Variants in ADAMTS19 observed in about 807,000 individuals in gnomAD.
ADAMTS19 encodes the protein ADAM metallopeptidase with thrombospondin type 1 motif 19.
A neutral mutation model predicts 153.3 loss-of-function variants in ADAMTS19; 93 were observed. That is an observed-to-expected ratio of 0.61 (90% CI 0.51 to 0.72). The LOEUF (loss-of-function observed/expected upper bound fraction) is 0.72, where lower values mean the gene tolerates loss of function less well. Ranked by LOEUF, ADAMTS19 falls within the 30% of genes least tolerant of loss-of-function variation. The pLI is 0.00. For missense variants in ADAMTS19, 1,482 were observed against 1,552.1 expected, an observed-to-expected ratio of 0.95 and a Z score of 0.76; for synonymous variants, 600 against 556.6, an observed-to-expected ratio of 1.08 and a Z score of -1.10.
intron 10 of ADAMTS19, among the ~76,000 whole-genome samples, chr5:129,625,625 T>G (rs1250653263): frequency 2.0e-5 from 3 of 152,306 alleles, no homozygotes; most frequent in Non-Finnish European, 4.4e-5. Flanking sequence ...GTGTCTGCTG[T>G]CTGCATAAAT....
intron 18 of ADAMTS19, among the ~76,000 whole-genome samples, chr5:129,692,102 T>C (rs1755364863): frequency 6.6e-6 from 1 of 152,226 alleles, no homozygotes; most frequent in Non-Finnish European, 1.5e-5. Context: ...CTAACATTTA[T>C]ACTTCATAAA....
At chr5:129,715,900 G>A (rs1756703004) in intron 21 of ADAMTS19, among the ~76,000 whole-genome samples, 1 of 152,106 alleles carries the variant, frequency 6.6e-6, no homozygotes, top group Non-Finnish European at 1.5e-5. Flanking sequence ...TGTGTACCTG[G>A]GGAGAGAGTG....
At chr5:129,616,692 A>C (rs982712301) in intron 8 of ADAMTS19, among the ~76,000 whole-genome samples, 12 of 152,202 alleles carry the variant, frequency 7.9e-5, no homozygotes, top group Admixed American at 6.6e-4. Context: ...GCTCTTTGTC[A>C]AAATGAATTT....
At chr5:129,578,672 T>A (rs756881096) in intron 7 of ADAMTS19, among the ~76,000 whole-genome samples, 9 of 151,496 alleles carry the variant, frequency 5.9e-5, no homozygotes, top group Non-Finnish European at 1.2e-4. Context: ...CAATGCCCAC[T>A]TGAGTGAGAA....
At chr5:129,537,160 C>A (rs13157431) in intron 6 of ADAMTS19, among the ~76,000 whole-genome samples, 8 of 151,966 alleles carry the variant, frequency 5.3e-5, no homozygotes, top group Admixed American at 3.9e-4. Context: ...ATGCAGCCAA[C>A]AGACACATGA....
At position 129,683,375 on chromosome 5, in the gene ADAMTS19, C is replaced by T. The variant is rs550382015; in HGVS notation, c.2665-745C>T. 2.9e-3 allele frequency among the ~76,000 whole-genome samples: 447 copies of T among 151,658 alleles called. 3 individuals carry two copies. The highest frequency in any genetic ancestry group is 8.6e-3 in the Admixed American group (131 of 15,230). On this transcript the variant is annotated intron_variant, in intron 17 of 22. Coordinates refer to ENST00000274487, the MANE Select transcript of ADAMTS19 (RefSeq NM_133638.6). ...TCCAACGTGTAGCCCCATATTCAGTCGTTTTCATGTATTTTTATGGTTTAT... is the reference window on the plus strand; with the variant it reads ...TCCAACGTGTAGCCCCATATTCAGTTGTTTTCATGTATTTTTATGGTTTAT...
intron 15 of ADAMTS19, among the ~76,000 whole-genome samples, chr5:129,659,147 GT>G (rs1312279143): frequency 1.3e-5 from 2 of 152,106 alleles, no homozygotes; most frequent in Admixed American, 1.3e-4. Flanking sequence ...TTTTCTTAAT[GT>G]TTTTGCTACA....
At chr5:129,728,599 T>C (rs1757308300) in intron 21 of ADAMTS19, among the ~76,000 whole-genome samples, 1 of 152,128 alleles carries the variant, frequency 6.6e-6, no homozygotes, top group African/African-American at 2.4e-5. Flanking sequence ...ACTATTGGTT[T>C]CCTTTGATCA....
At chr5:129,627,548 C>T (rs1159817155) in intron 10 of ADAMTS19, among the ~76,000 whole-genome samples, 1 of 151,186 alleles carries the variant, frequency 6.6e-6, no homozygotes, top group Non-Finnish European at 1.5e-5. Flanking sequence ...GCAAAAGAAA[C>T]CATCAATAGA....
intron 10 of ADAMTS19, among the ~76,000 whole-genome samples, chr5:129,631,858 T>C (rs1327514908): frequency 1.3e-5 from 2 of 152,060 alleles, no homozygotes; most frequent in Non-Finnish European, 2.9e-5. Flanking sequence ...AAACAATGTG[T>C]TTGAATTTAG....
At chr5:129,671,536 A>G (rs756983232) in intron 16 of ADAMTS19, among the ~76,000 whole-genome samples, 1 of 152,212 alleles carries the variant, frequency 6.6e-6, no homozygotes, top group African/African-American at 2.4e-5. Context: ...AGCTTTAGCA[A>G]AAAGAAAAGA....
intron 2 of ADAMTS19, among the ~76,000 whole-genome samples, chr5:129,488,907 G>A (rs1356370930): frequency 6.6e-6 from 1 of 151,988 alleles, no homozygotes; most frequent in Non-Finnish European, 1.5e-5. Context: ...CTTAGCATAC[G>A]TTGGGATGCT....
At chr5:129,726,585 T>A (rs114655714) in intron 21 of ADAMTS19, among the ~76,000 whole-genome samples, 18,140 of 152,106 alleles carry the variant, frequency 0.12, 1,261 homozygotes, top group South Asian at 0.19. Context: ...AAGAAACACC[T>A]ACTTAAGGGT....
intron 10 of ADAMTS19, among the ~76,000 whole-genome samples, chr5:129,639,907 C>T (rs972757362): frequency 5.3e-5 from 8 of 152,220 alleles, no homozygotes; most frequent in African/African-American, 1.9e-4. Context: ...TTGAAATACT[C>T]TTAAATGTCT....
chr5:129,489,045 G>GC (rs750818128), intron 2 of ADAMTS19, among the ~76,000 whole-genome samples: 15 of 151,938 alleles, frequency 9.9e-5, no homozygotes, highest in Non-Finnish European at 2.1e-4. Context: ...AGAACAGTTG[G>GC]CTCTTAGTTT....
At chr5:129,480,715 A>AT (rs1189160199) in intron 2 of ADAMTS19, among the ~76,000 whole-genome samples, 1 of 152,164 alleles carries the variant, frequency 6.6e-6, no homozygotes, top group Non-Finnish European at 1.5e-5. Flanking sequence ...TTCACAGCAG[A>AT]TTTTTTCATA....
chr5:129,648,733 T>G, intron 12 of ADAMTS19, 65 bp from the exon 13 acceptor site: 1 of 1,375,808 alleles, frequency 7.3e-7, no homozygotes. Context: ...TAATGGCTTT[T>G]AATTTAAAAC....
intron 16 of ADAMTS19, among the ~76,000 whole-genome samples, chr5:129,676,469 C>G (rs747804345): frequency 6.6e-6 from 1 of 152,102 alleles, no homozygotes; most frequent in Non-Finnish European, 1.5e-5. Flanking sequence ...GAAGCCCTCG[C>G]CCTCATCATC....
At chr5:129,582,108 G>T (rs1350985613) in intron 7 of ADAMTS19, among the ~76,000 whole-genome samples, 1 of 150,660 alleles carries the variant, frequency 6.6e-6, no homozygotes, top group Non-Finnish European at 1.5e-5. Flanking sequence ...GTAGATGTCT[G>T]TTAGTTCCAC....
Sources: allele counts gnomAD v4.1 joint callset (sites outside exome capture counted in the v4.1 genomes callset), GRCh38; gene constraint gnomAD v4.1.1; transcripts MANE v1.5; gene names NCBI Gene and HGNC (gene_info 2026-07-23, HGNC 2026-07-21).